The following EPOR variants were observed in gnomAD, a reference collection of about 807,000 sequenced individuals.
EPOR encodes erythropoietin receptor.
A neutral mutation model predicts 34.3 loss-of-function variants in EPOR; 20 were observed. The ratio of observed to expected loss-of-function variants is 0.58; its 90% confidence interval spans 0.41 to 0.85. The LOEUF (loss-of-function observed/expected upper bound fraction) is 0.85, where lower values mean the gene tolerates loss of function less well. Ranked by LOEUF, EPOR falls within the 40% of genes least tolerant of loss-of-function variation. The probability of loss-of-function intolerance (pLI) is 0.00; values close to 1 mark genes in which losing one functional copy is unlikely to be tolerated. For missense variants in EPOR, 601 were observed against 672.7 expected (o/e 0.89, Z 1.18); for synonymous variants, 312 against 299.0 (o/e 1.04, Z -0.45).
chr19:11,384,110 G>A lies in EPOR; in HGVS notation c.98C>T (p.Pro33Leu), dbSNP rs1394548329. The A allele has an allele frequency of 2.6e-6, 4 of 1,549,802 alleles. No homozygotes were observed. Among genetic ancestry groups the A allele is most frequent in the Non-Finnish European group, 3.5e-6 (4 of 1,145,788 alleles). ...ATCCTTACCTTTGCTCTCGAACTTG[G>A]GGTCCGGGAGGTTAGGCGGGGGCGC... The part of the protein sequence containing the change: ...AWAPPPNLPD[P>L]KFESKAALLA... The change falls in exon 1 of 8, where the codon CCC becomes CTC. Residue 33 changes from proline (P) to leucine (L), a missense_variant. By Grantham distance (98) the Pro-to-Leu change is moderately conservative (BLOSUM62 -3). Coordinates refer to ENST00000222139, the MANE Select transcript of EPOR (RefSeq NM_000121.4).
At chr19:11,382,424 C>A (rs1250819798) in intron 2 of EPOR, among the ~76,000 whole-genome samples, 1 of 147,424 alleles carries the variant, frequency 6.8e-6, no homozygotes, top group Non-Finnish European at 1.5e-5. Context: ...AGTGCAATGG[C>A]GCTACCTCGG....
At chr19:11,379,826 C>T (rs1968332614) in intron 6 of EPOR, among the ~76,000 whole-genome samples, 2 of 152,130 alleles carry the variant, frequency 1.3e-5, no homozygotes, top group African/African-American at 2.4e-5. Context: ...CTCAGCCTCC[C>T]GAGTAGCGGG....
chr19:11,379,161 T>TA (rs968818567), intron 6 of EPOR, among the ~76,000 whole-genome samples: 1 of 151,580 alleles, frequency 6.6e-6, no homozygotes, highest in Non-Finnish European at 1.5e-5. Flanking sequence ...CCCCCATCTC[T>TA]AAAAAAAATA....
Position 11,379,266 on chromosome 19 carries a change from G to C in EPOR, c.828-488C>G, listed in dbSNP as rs1337687529. ...TAGATAAATATTATGTTACCTTCTG[G>C]GGTAATGAGAGAAGGCATTTAGGAT... On this transcript the variant is annotated intron_variant, in intron 6 of 7. Transcript: ENST00000222139. Among the ~76,000 whole-genome samples, 4 of 152,108 alleles carry C rather than the reference G, an allele frequency of 2.6e-5. No individual in the cohort carries two copies. The East Asian group carries it at 7.7e-4, about 29-fold the overall frequency.
At position 11,382,111 on chromosome 19, in the gene EPOR, C is replaced by G. The variant is rs367619908; in HGVS notation, c.252-6G>C. On this transcript the variant is annotated splice_region_variant and splice_polypyrimidine_tract_variant and intron_variant, in intron 2 of 7. Coordinates refer to ENST00000222139, the MANE Select transcript of EPOR (RefSeq NM_000121.4). ...ACAGCTTCCATGGCTCATCCCTATG[C>G]GCCCAGGGAAGGGAGCAGGTTGGGA... 180 of 1,612,008 alleles carry G rather than the reference C, an allele frequency of 1.1e-4. No homozygotes were observed. The highest frequency in any genetic ancestry group is 1.3e-4 in the Non-Finnish European group (159 of 1,178,812).
At position 11,383,007 on chromosome 19, in the gene EPOR, C is replaced by A. The variant is rs759715426; in HGVS notation, c.251+90G>T. 1.4e-5 allele frequency: 23 copies of A among 1,604,592 alleles called. No homozygotes were observed. Among genetic ancestry groups the A allele is most frequent in the Non-Finnish European group, 1.9e-5 (22 of 1,179,092 alleles). On this transcript the variant is annotated intron_variant, in intron 2 of 7. Coordinates refer to ENST00000222139, the MANE Select transcript of EPOR (RefSeq NM_000121.4). The surrounding 1 kb of genome is among the most constrained non-coding windows in gnomAD (Gnocchi z 4.9). ...ACTGGAGGCGCCGTCGGGCCTCAAA[C>A]AGCAGGGGACATACGAGGCTACGAC...
In EPOR at chr19:11,381,540, CTGTGGGCGTGG is replaced by C; in HGVS notation, c.585+141_585+151del. ...GAGGACATTAGGAAAGGGGGTGTGT[CTGTGGGCGTGG>C]AACGGTCTTCAGCACCAGGGTAATG... On this transcript the variant is annotated intron_variant, in intron 4 of 7. Transcript: ENST00000222139. The surrounding 1 kb of genome is among the most constrained non-coding windows in gnomAD (Gnocchi z 5.3). The C allele has an allele frequency of 1.2e-6, 1 of 807,240 alleles. No homozygotes were observed. The highest frequency in any genetic ancestry group is 1.9e-6 in the Non-Finnish European group (1 of 514,776). 50.0% of individuals were successfully genotyped at this position (807,240 alleles called of 1,614,324 possible). A position where few individuals can be genotyped will look rare whatever the true frequency, so the allele number is the denominator to read the frequency against.
Position 11,381,674 on chromosome 19 carries a change from C to A in EPOR, c.585+18G>T. 6.3e-7 allele frequency: 1 copy of A among 1,592,504 alleles called. No individual in the cohort carries two copies. Among genetic ancestry groups the A allele is most frequent in the East Asian group, 2.3e-5 (1 of 43,462 alleles). On this transcript the variant is annotated intron_variant, in intron 4 of 7. Coordinates refer to ENST00000222139, the MANE Select transcript of EPOR (RefSeq NM_000121.4). This position sits in a 1 kb window ranked among gnomAD's most constrained non-coding sequence, Gnocchi z 5.3. ...GTCAGTGGAGCTTTGGGGGCTGGGC[C>A]GTAGGGGCTGGCCTCACCCTCTGTA...
At position 11,378,408 on chromosome 19, in the gene EPOR, T is replaced by C. The variant is rs940691487; in HGVS notation, c.1103A>G (p.Tyr368Cys). Reference sequence around the variant, plus strand: ...CAGCAACCATTTGTCCAGCACCAGATAGGTATCCTGGGCATGCTCACTGCC... The same window carrying C: ...CAGCAACCATTTGTCCAGCACCAGACAGGTATCCTGGGCATGCTCACTGCC... ...PVGSEHAQDT[Y>C]LVLDKWLLPR... Residue 368 changes from tyrosine (Y) to cysteine (C), a missense_variant, in exon 8 of 8, where the codon TAT (tyrosine) becomes TGT (cysteine). Coordinates refer to ENST00000222139, the MANE Select transcript of EPOR (RefSeq NM_000121.4). The surrounding 1 kb of genome is among the most constrained non-coding windows in gnomAD (Gnocchi z 5.3). 1 of 1,613,870 alleles carries C rather than the reference T, an allele frequency of 6.2e-7. No homozygotes were observed. Among genetic ancestry groups the C allele is most frequent in the Non-Finnish European group, 8.5e-7 (1 of 1,180,022 alleles).
At position 11,383,307 on chromosome 19, in the gene EPOR, C is replaced by A; in HGVS notation, c.116-75G>T. 7.7e-6 allele frequency: 11 copies of A among 1,426,718 alleles called. No homozygotes were observed. Among genetic ancestry groups the A allele is most frequent in the Non-Finnish European group, 1.0e-5 (11 of 1,069,554 alleles). The allele number at this position is 1,426,718 out of a possible 1,614,324, so 88.4% of individuals were successfully genotyped here. Reference sequence around the variant, plus strand: ...GGGAGACAGCCCCCTCCTCTTCCCTCCCGCAGCCTGGGCGGACCCGATAAG... The same window carrying A: ...GGGAGACAGCCCCCTCCTCTTCCCTACCGCAGCCTGGGCGGACCCGATAAG... On this transcript the variant is annotated intron_variant, in intron 1 of 7. Transcript: ENST00000222139. The surrounding 1 kb of genome is among the most constrained non-coding windows in gnomAD (Gnocchi z 4.9).
In EPOR at chr19:11,378,309, G is replaced by A. The variant is rs1267654800; in HGVS notation, c.1202C>T (p.Ser401Leu). 6.2e-7 allele frequency: 1 copy of A among 1,613,590 alleles called. No homozygotes were observed. Among genetic ancestry groups the A allele is most frequent in the Non-Finnish European group, 8.5e-7 (1 of 1,180,020 alleles). ...AGCAGATGAGCAGGAGGATGCTTCT[G>A]AGCCTTCATCCATGGCCACTATGTC... ...SVDIVAMDEG[S>L]EASSCSSALA... The change falls in exon 8 of 8, where the codon TCA becomes TTA. Residue 401 changes from serine to leucine, a missense_variant. Transcript: ENST00000222139. This position sits in a 1 kb window ranked among gnomAD's most constrained non-coding sequence, Gnocchi z 5.3.
In EPOR at chr19:11,381,218, G is replaced by T; in HGVS notation, c.586-9C>A. Reference sequence around the variant, plus strand: ...CCCTCCAGGATCTCCACCTGGGGGCGGAATCAGGGCGAGGGACGCGTAGCA... The same window carrying T: ...CCCTCCAGGATCTCCACCTGGGGGCTGAATCAGGGCGAGGGACGCGTAGCA... On this transcript the variant is annotated splice_polypyrimidine_tract_variant and intron_variant, in intron 4 of 7. Transcript: ENST00000222139. The surrounding 1 kb of genome is among the most constrained non-coding windows in gnomAD (Gnocchi z 5.3). 6.5e-7 allele frequency: 1 copy of T among 1,549,034 alleles called. No homozygotes were observed. Among genetic ancestry groups the T allele is most frequent in the Non-Finnish European group, 8.7e-7 (1 of 1,146,986 alleles).
chr19:11,380,853 T>G (rs774057548), intron 6 of EPOR, 31 bp downstream of exon 6: 114 of 1,522,484 alleles, frequency 7.5e-5, no homozygotes, highest in Non-Finnish European at 9.6e-5. Flanking sequence ...CGGGGAGGAG[T>G]CTGGGCCCAG....
Position 11,383,049 on chromosome 19 carries a change from C to T in EPOR, c.251+48G>A. Reference sequence around the variant, plus strand: ...GGCTACGACCTCCAGGGAGCTCTGCCCCACCCCCTCCCTCCGCCCTTGGAG... The same window carrying T: ...GGCTACGACCTCCAGGGAGCTCTGCTCCACCCCCTCCCTCCGCCCTTGGAG... On this transcript the variant is annotated intron_variant, in intron 2 of 7. Coordinates refer to ENST00000222139, the MANE Select transcript of EPOR (RefSeq NM_000121.4). This position sits in a 1 kb window ranked among gnomAD's most constrained non-coding sequence, Gnocchi z 4.9. 1 of 1,611,736 alleles carries T rather than the reference C, an allele frequency of 6.2e-7. No homozygotes were observed.
chr19:11,383,011 A>T lies in EPOR; in HGVS notation c.251+86T>A, dbSNP rs756442349. The T allele has an allele frequency of 2.5e-6, 4 of 1,605,710 alleles. No homozygotes were observed. The highest frequency in any genetic ancestry group is 1.7e-5 in the Admixed American group (1 of 59,936). Reference sequence around the variant, plus strand: ...GAGGCGCCGTCGGGCCTCAAACAGCAGGGGACATACGAGGCTACGACCTCC... The same window carrying T: ...GAGGCGCCGTCGGGCCTCAAACAGCTGGGGACATACGAGGCTACGACCTCC... On this transcript the variant is annotated intron_variant, in intron 2 of 7. Coordinates refer to ENST00000222139, the MANE Select transcript of EPOR (RefSeq NM_000121.4). The surrounding 1 kb of genome is among the most constrained non-coding windows in gnomAD (Gnocchi z 4.9).
In EPOR at chr19:11,378,304, C is replaced by T. The variant is rs2144694164; in HGVS notation, c.1207G>A (p.Ala403Thr). Residue 403 changes from alanine to threonine, a missense_variant, in exon 8 of 8, where the codon GCA becomes ACA. Coordinates refer to ENST00000222139, the MANE Select transcript of EPOR (RefSeq NM_000121.4). This position sits in a 1 kb window ranked among gnomAD's most constrained non-coding sequence, Gnocchi z 5.3. Reference sequence around the variant, plus strand: ...GCCAAAGCAGATGAGCAGGAGGATGCTTCTGAGCCTTCATCCATGGCCACT... The same window carrying T: ...GCCAAAGCAGATGAGCAGGAGGATGTTTCTGAGCCTTCATCCATGGCCACT... ...DIVAMDEGSE[A>T]SSCSSALASK... is the part of the protein sequence containing the mutation. 1 of 1,613,782 alleles carries T rather than the reference C, an allele frequency of 6.2e-7. No individual in the cohort carries two copies. The highest frequency in any genetic ancestry group is 8.5e-7 in the Non-Finnish European group (1 of 1,180,030).
chr19:11,381,891 C>T lies in EPOR; in HGVS notation c.427+39G>A, dbSNP rs149714073. On this transcript the variant is annotated intron_variant, in intron 3 of 7. Coordinates refer to ENST00000222139, the MANE Select transcript of EPOR (RefSeq NM_000121.4). The surrounding 1 kb of genome is among the most constrained non-coding windows in gnomAD (Gnocchi z 5.3). ...TGGTCAGGTGGGCGAGGACTGAGAC[C>T]CTCTCCTCCGACCACTCCTCCATTC... 7 of 1,614,192 alleles carry T rather than the reference C, an allele frequency of 4.3e-6. No individual in the cohort carries two copies. The highest frequency in any genetic ancestry group is 1.7e-5 in the Admixed American group (1 of 60,036).
In EPOR at chr19:11,382,957, C is replaced by A. The variant is rs746688530; in HGVS notation, c.251+140G>T. 68 of 1,567,066 alleles carry A rather than the reference C, an allele frequency of 4.3e-5. No homozygotes were observed. In the South Asian group the frequency reaches 5.6e-4, roughly 13 times the overall value. On this transcript the variant is annotated intron_variant, in intron 2 of 7. Coordinates refer to ENST00000222139, the MANE Select transcript of EPOR (RefSeq NM_000121.4). ...ATAGAGGGCGTGCCAGCCCTGGACC[C>A]GCAGGTTTCCCTCCAGTGACCACGA...
At position 11,378,502 on chromosome 19, in the gene EPOR, GCT is replaced by G. The variant is rs1433628904; in HGVS notation, c.1007_1008del (p.Glu336AlafsTer15). On this transcript the variant is annotated frameshift_variant, in exon 8 of 8. Transcript: ENST00000222139. LOFTEE classifies it low-confidence loss of function (END_TRUNC). The surrounding 1 kb of genome is among the most constrained non-coding windows in gnomAD (Gnocchi z 5.3). Reference sequence around the variant, plus strand: ...ACTGCCTGCATCGTCCCCCAGCAGCGCTCTGAGAGGACTTCCAGGGAAGCAGG... The same window carrying G: ...ACTGCCTGCATCGTCCCCCAGCAGCGCTGAGAGGACTTCCAGGGAAGCAGG... ...DPPASLEVLS[E>X]RCWGTMQAVE... is the part of the protein sequence containing the mutation. 1 of 1,614,202 alleles carries G rather than the reference GCT, an allele frequency of 6.2e-7. No homozygotes were observed. The highest frequency in any genetic ancestry group is 1.1e-5 in the South Asian group (1 of 91,090).
Sources: allele counts gnomAD v4.1 joint callset (sites outside exome capture counted in the v4.1 genomes callset), GRCh38; gene constraint gnomAD v4.1.1; non-coding constraint Gnocchi (gnomAD v3.1); transcripts MANE v1.5; gene names NCBI Gene and HGNC (gene_info 2026-07-23, HGNC 2026-07-21).